The following COL3A1 variants were observed in gnomAD, a reference collection of about 807,000 sequenced individuals.
The protein encoded by COL3A1 is collagen type III alpha 1 chain.
In COL3A1, 46 loss-of-function variants were observed where a neutral mutation model predicts 200.9. The observed-to-expected ratio is 0.23, with a 90% confidence interval of 0.18 to 0.29. The LOEUF (loss-of-function observed/expected upper bound fraction) is 0.29, where lower values mean the gene tolerates loss of function less well. Among genes scored for constraint, COL3A1 ranks in the 10% least tolerant of loss-of-function variants. The probability of loss-of-function intolerance (pLI) is 1.00; values close to 1 mark genes in which losing one functional copy is unlikely to be tolerated. For missense variants in COL3A1, 1,367 were observed against 1,917.6 expected (o/e 0.71, Z 5.36); for synonymous variants, 650 against 628.0 (o/e 1.03, Z -0.52).
intron 13 of COL3A1, 92 bp downstream of exon 13, chr2:188,991,814 GA>G: frequency 1.5e-6 from 2 of 1,298,924 alleles, no homozygotes; most frequent in Non-Finnish European, 1.1e-6. Context: ...AATATGTTAG[GA>G]AAAAGACCTT....
intron 26 of COL3A1, 111 bp from the exon 27 acceptor site, chr2:188,997,588 CT>C: frequency 1.6e-6 from 2 of 1,249,904 alleles, no homozygotes; most frequent in African/African-American, 1.5e-5. Context: ...CAGGTCCTCC[CT>C]TTTCTTCACA....
In COL3A1 at chr2:189,001,734, T is replaced by C. The variant is rs1559059704; in HGVS notation, c.2391+145T>C. 4 of 785,156 alleles carry C rather than the reference T, an allele frequency of 5.1e-6. No individual in the cohort carries two copies. In the East Asian group the frequency reaches 1.0e-4, roughly 20 times the overall value. 48.6% of individuals were successfully genotyped at this position (785,156 alleles called of 1,614,324 possible). A position where few individuals can be genotyped will look rare whatever the true frequency, so the allele number is the denominator to read the frequency against. On this transcript the variant is annotated intron_variant, in intron 34 of 50. Transcript: ENST00000304636. ...TTCAAAAACCATATAAGGAACCATA[T>C]AGCATGCAAGGGAATGTTAAATTTC...
At chr2:188,995,910 C>A (rs1688297298) in intron 22 of COL3A1, 120 bp downstream of exon 22, 1 of 1,029,726 alleles carries the variant, frequency 9.7e-7, no homozygotes, top group Non-Finnish European at 1.4e-6. Flanking sequence ...AGGCACCAAA[C>A]AAAACAAAAT....
Position 189,012,058 on chromosome 2 carries a change from A to G in COL3A1, c.*284A>G. The stretch of plus-strand genomic sequence containing the variant: ...AACTTCAACACTCTTTATGATAACA[A>G]CACTGTGTTATATTCTTTGAATCCT... On this transcript the variant is annotated 3_prime_UTR_variant, in exon 51 of 51. Transcript: ENST00000304636. 4.7e-6 allele frequency: 2 copies of G among 426,336 alleles called. No individual in the cohort carries two copies. The highest frequency in any genetic ancestry group is 9.9e-5 in the East Asian group (2 of 20,218). 26.4% of individuals were successfully genotyped at this position (426,336 alleles called of 1,614,324 possible).
At chr2:188,987,020 C>G (rs1688077037) in intron 4 of COL3A1, 39 bp from the exon 5 acceptor site, 1 of 1,536,810 alleles carries the variant, frequency 6.5e-7, no homozygotes, top group Non-Finnish European at 9.0e-7. Context: ...TATGAACTGT[C>G]TGTTAAAATG....
At chr2:189,011,026 C>A in intron 50 of COL3A1, 136 bp downstream of exon 50, 2 of 1,134,336 alleles carry the variant, frequency 1.8e-6, no homozygotes, top group Non-Finnish European at 2.6e-6. Context: ...ACATACATTG[C>A]ATCTACTGAT....
In COL3A1 at chr2:189,011,766, T is replaced by C; in HGVS notation, c.4393T>C (p.Phe1465Leu). 6.2e-7 allele frequency: 1 copy of C among 1,613,950 alleles called. No homozygotes were observed. Among genetic ancestry groups the C allele is most frequent in the Non-Finnish European group, 8.5e-7 (1 of 1,179,828 alleles). ...EFGVDVGPVC[F>L]L ...TGGTGTGGACGTTGGCCCTGTTTGCTTTTTATAAACCAAACTCTATCTGAA... is the reference window on the plus strand; with the variant it reads ...TGGTGTGGACGTTGGCCCTGTTTGCCTTTTATAAACCAAACTCTATCTGAA... Residue 1465 changes from phenylalanine (F) to leucine (L), a missense_variant, in exon 51 of 51, where the codon TTT becomes CTT. Physicochemically the swap from Phe to Leu is conservative, Grantham distance 22 (BLOSUM62 0). This residue lies in a region of COL3A1 where 846 missense variants were observed against 1,147.9 expected (regional missense o/e 0.74). Coordinates refer to ENST00000304636, the MANE Select transcript of COL3A1 (RefSeq NM_000090.4).
intron 23 of COL3A1, 37 bp from the exon 24 acceptor site, chr2:188,996,361 T>G: frequency 6.5e-7 from 1 of 1,531,728 alleles, no homozygotes; most frequent in Non-Finnish European, 9.0e-7. Context: ...AATCTTCTCT[T>G]TATCAAACCT....
In COL3A1 at chr2:188,991,769, A is replaced by G. The variant is rs760691352; in HGVS notation, c.951+47A>G. 5.0e-6 allele frequency: 8 copies of G among 1,591,028 alleles called. No homozygotes were observed. The Admixed American group carries it at 1.2e-4, about 23-fold the overall frequency. On this transcript the variant is annotated intron_variant, in intron 13 of 50. Coordinates refer to ENST00000304636, the MANE Select transcript of COL3A1 (RefSeq NM_000090.4). ...ACACAATTACAACCCAAAGTGACAGATTTTTACAGCCTCAGTAAAGTTTCA... is the reference window on the plus strand; with the variant it reads ...ACACAATTACAACCCAAAGTGACAGGTTTTTACAGCCTCAGTAAAGTTTCA...
rs112164939 is a variant in COL3A1, at chr2:189,004,020, C to T, written c.2700C>T (p.Gly900=). The T allele has an allele frequency of 5.4e-4, 873 of 1,612,842 alleles. 1 individual carries two copies. The highest frequency in any genetic ancestry group is 9.2e-4 in the Middle Eastern group (5 of 5,454). The change falls in exon 39 of 51, where the codon GGC becomes GGT. Residue 900 remains glycine, a synonymous_variant. Transcript: ENST00000304636. ...PGPPGPSGSP[G]KDGPPGPAGN... is the part of the protein sequence containing the mutation. ...CCCCAGGTCCCAGCGGTTCTCCAGG[C>T]AAGGATGGGCCCCCAGGTCCTGCGG...
intron 47 of COL3A1, 140 bp downstream of exon 47, chr2:189,008,282 C>T: frequency 1.3e-6 from 1 of 755,874 alleles, no homozygotes; most frequent in East Asian, 2.7e-5. Flanking sequence ...GACTTTAAGA[C>T]ATTCTCCATC....
At chr2:188,997,132 A>G (rs1165853544) in intron 24 of COL3A1, 33 bp from the exon 25 acceptor site, 3 of 1,603,100 alleles carry the variant, frequency 1.9e-6, no homozygotes, top group Admixed American at 3.4e-5. Context: ...TTGCCCTTTG[A>G]GGATTAGTAA....
chr2:188,997,089 C>CAT (rs1688344234), intron 24 of COL3A1, 76 bp from the exon 25 acceptor site: 2 of 953,864 alleles, frequency 2.1e-6, no homozygotes, highest in South Asian at 2.6e-5. Context: ...ATATATGAGA[C>CAT]ATATATATAT....
In COL3A1 at chr2:189,003,451, G is replaced by T. The variant is rs763730488; in HGVS notation, c.2594G>T (p.Ser865Ile). Residue 865 changes from serine to isoleucine, a missense_variant, in exon 37 of 51, where the codon AGT becomes ATT. By Grantham distance (142) the Ser-to-Ile change is moderately radical. Around this residue, in one of 5 missense-constraint regions of COL3A1, gnomAD observed 846 missense variants for 1,147.9 expected, o/e 0.74. Transcript: ENST00000304636. ...GPQGVKGERG[S>I]PGGPGAAGFP... ...CAAGGTGTCAAAGGTGAACGTGGCA[G>T]TCCTGGTGGACCTGTAAGTATTGAT... 1 of 1,613,562 alleles carries T rather than the reference G, an allele frequency of 6.2e-7. No individual in the cohort carries two copies. Among genetic ancestry groups the T allele is most frequent in the South Asian group, 1.1e-5 (1 of 91,042 alleles).
In COL3A1 at chr2:189,005,376, C is replaced by T. The variant is rs41264441; in HGVS notation, c.2958C>T (p.Asn986=). 3.3e-5 allele frequency: 54 copies of T among 1,614,034 alleles called. 1 individual carries two copies. The East Asian group carries it at 4.0e-4, about 12-fold the overall frequency. ...GTGAAAGTGGGAAACCAGGAGCTAA[C>T]GGTCTCAGTGGAGAACGTGGTCCCC... The part of the protein sequence containing the change: ...VKGESGKPGA[N]GLSGERGPPG... The change falls in exon 41 of 51, where the codon AAC becomes AAT. Residue 986 remains asparagine, a synonymous_variant. Coordinates refer to ENST00000304636, the MANE Select transcript of COL3A1 (RefSeq NM_000090.4).
At chr2:188,998,361 A>T in intron 28 of COL3A1, 42 bp downstream of exon 28, 1 of 1,521,568 alleles carries the variant, frequency 6.6e-7, no homozygotes, top group Non-Finnish European at 9.1e-7. Flanking sequence ...AACAAAAAGA[A>T]TACACACTGT....
In COL3A1 at chr2:188,990,405, A is replaced by G. The variant is rs757588470; in HGVS notation, c.798+45A>G. The G allele has an allele frequency of 2.3e-5, 35 of 1,515,056 alleles. 1 individual carries two copies. In the South Asian group the frequency reaches 3.4e-4, roughly 15 times the overall value. 93.9% of individuals were successfully genotyped at this position (1,515,056 alleles called of 1,614,324 possible). On this transcript the variant is annotated intron_variant, in intron 10 of 50. Coordinates refer to ENST00000304636, the MANE Select transcript of COL3A1 (RefSeq NM_000090.4). ...TGTTTACAAGGTATTCCACTGGGCT[A>G]TGTTTACTTGCCTAACCAATTTTAC...
rs1246267310 is a variant in COL3A1 at position 189,009,085 on chromosome 2, C to T, written c.3687C>T (p.Ile1229=). The T allele has an allele frequency of 8.1e-6, 13 of 1,614,048 alleles. No individual in the cohort carries two copies. Among genetic ancestry groups the T allele is most frequent in the Non-Finnish European group, 8.5e-7 (1 of 1,180,010 alleles). ...GAGATGAACCAATGGATTTCAAAAT[C>T]AACACCGATGAGATTATGACTTCAC... The part of the protein sequence containing the change: ...YYGDEPMDFK[I]NTDEIMTSLK... Residue 1229 remains isoleucine, a synonymous_variant, in exon 48 of 51, where the codon ATC becomes ATT. Transcript: ENST00000304636.
In COL3A1 at chr2:189,004,065, C is replaced by A. The variant is rs745940162; in HGVS notation, c.2745C>A (p.Gly915=). ...PGPAGNTGAP[G]SPGVSGPKGD... The stretch of plus-strand genomic sequence containing the variant: ...CTGCGGGTAACACTGGTGCTCCTGG[C>A]AGCCCTGGAGTGTCTGGACCAAAAG... The change falls in exon 39 of 51, where the codon GGC becomes GGA. Residue 915 remains glycine, a synonymous_variant. Transcript: ENST00000304636. 2.5e-6 allele frequency: 4 copies of A among 1,613,318 alleles called. No individual in the cohort carries two copies. In the South Asian group the frequency reaches 3.3e-5, roughly 13 times the overall value.
Sources: gnomAD v4.1 joint callset for allele counts on GRCh38, gnomAD v4.1.1 for gene constraint, gnomAD v4.1.1 regional missense constraint, MANE v1.5 for transcripts, NCBI Gene and HGNC (gene_info 2026-07-23, HGNC 2026-07-21) for gene names.